The following AKAP6 variants were observed in gnomAD, a reference collection of about 807,000 sequenced individuals.
AKAP6 encodes the protein A-kinase anchoring protein 6.
AKAP6 carries 58 observed loss-of-function variants against 188.5 expected under a neutral mutation model. That is an observed-to-expected ratio of 0.31 (90% confidence interval 0.25 to 0.38). The LOEUF (loss-of-function observed/expected upper bound fraction) is 0.38. AKAP6 is among the 10% of genes least tolerant of loss of function. The pLI is 1.00. For missense variants in AKAP6, 2,710 were observed against 2,740.0 expected, an observed-to-expected ratio of 0.99 and a Z score of 0.24; for synonymous variants, 989 against 998.6, an observed-to-expected ratio of 0.99 and a Z score of 0.18.
In AKAP6 at chr14:32,491,124, C is replaced by T. The variant is rs116518584; in HGVS notation, c.325-44430C>T. Among the ~76,000 whole-genome samples the T allele has an allele frequency of 9.9e-4, 150 of 152,252 alleles. 1 individual carries two copies. Among genetic ancestry groups the T allele is most frequent in the African/African-American group, 3.6e-3 (148 of 41,566 alleles). On this transcript the variant is annotated intron_variant, in intron 2 of 13. Coordinates refer to ENST00000280979, the MANE Select transcript of AKAP6 (RefSeq NM_004274.5). Reference sequence around the variant, plus strand: ...GATCATCTCAAAAGCTGGGCAGAATCTCCCTTCTCCCTAATTGCTTCATAT... The same window carrying T: ...GATCATCTCAAAAGCTGGGCAGAATTTCCCTTCTCCCTAATTGCTTCATAT...
intron 5 of AKAP6, among the ~76,000 whole-genome samples, chr14:32,582,741 A>G (rs1285811384): frequency 2.0e-5 from 3 of 151,714 alleles, no homozygotes; most frequent in Non-Finnish European, 4.4e-5. Flanking sequence ...CATTCATTTC[A>G]TCTTCCATCA....
intron 2 of AKAP6, among the ~76,000 whole-genome samples, chr14:32,475,380 A>G (rs1209998249): frequency 1.3e-5 from 2 of 152,192 alleles, no homozygotes; most frequent in African/African-American, 4.8e-5. Context: ...CATTGGCTAC[A>G]GCTGATTCAG....
chr14:32,462,186 C>T (rs2138825042), intron 2 of AKAP6, among the ~76,000 whole-genome samples: 1 of 152,130 alleles, frequency 6.6e-6, no homozygotes, highest in Middle Eastern at 3.4e-3. Flanking sequence ...GCTTCCCCAC[C>T]CTAGCAAGAC....
At chr14:32,505,819 T>G (rs1289139358) in intron 2 of AKAP6, among the ~76,000 whole-genome samples, 1 of 152,208 alleles carries the variant, frequency 6.6e-6, no homozygotes, top group African/African-American at 2.4e-5. Flanking sequence ...GAATTCATTT[T>G]TTGAAATCTC....
intron 1 of AKAP6, among the ~76,000 whole-genome samples, chr14:32,396,115 A>G (rs537263792): frequency 1.7e-4 from 26 of 152,174 alleles, no homozygotes; most frequent in South Asian, 4.1e-4. Flanking sequence ...AAATTGTTTC[A>G]GGGTGGGAGA....
chr14:32,799,832 G>C (rs940057147), intron 12 of AKAP6, among the ~76,000 whole-genome samples: 2 of 151,916 alleles, frequency 1.3e-5, no homozygotes, highest in Non-Finnish European at 2.9e-5. Context: ...ATCAAGTCAA[G>C]TGATAATGCT....
intron 7 of AKAP6, among the ~76,000 whole-genome samples, chr14:32,664,155 G>GA (rs141340974): frequency 4.6e-5 from 7 of 151,690 alleles, no homozygotes; most frequent in Admixed American, 2.6e-4. Flanking sequence ...CATTGAAGAG[G>GA]AAAAAAAATG....
intron 5 of AKAP6, among the ~76,000 whole-genome samples, chr14:32,578,205 G>A (rs559445063): frequency 6.6e-6 from 1 of 152,290 alleles, no homozygotes; most frequent in East Asian, 1.9e-4. Context: ...AAGTGAGAGA[G>A]AGAAGGGAGA....
intron 2 of AKAP6, among the ~76,000 whole-genome samples, chr14:32,461,883 A>G (rs1400143445): frequency 6.6e-6 from 1 of 152,026 alleles, no homozygotes; most frequent in East Asian, 1.9e-4. Flanking sequence ...AGAGAGGAAC[A>G]TAAATGACTT....
At chr14:32,622,032 A>G (rs1886834279) in intron 7 of AKAP6, among the ~76,000 whole-genome samples, 1 of 152,154 alleles carries the variant, frequency 6.6e-6, no homozygotes, top group Admixed American at 6.6e-5. Flanking sequence ...CCTGTTTCCT[A>G]TAACTTTTGT....
chr14:32,662,309 C>A (rs12896132), intron 7 of AKAP6, among the ~76,000 whole-genome samples: 1 of 151,854 alleles, frequency 6.6e-6, no homozygotes, highest in Admixed American at 6.6e-5. Flanking sequence ...TTAGGACTGA[C>A]TCTCAAGCTG....
intron 9 of AKAP6, among the ~76,000 whole-genome samples, 196 bp downstream of exon 9, chr14:32,696,306 G>A (rs1890400848): frequency 6.6e-6 from 1 of 152,138 alleles, no homozygotes; most frequent in South Asian, 2.1e-4. Context: ...TTGCAAGAAA[G>A]TTCCCTTTAT....
intron 1 of AKAP6, among the ~76,000 whole-genome samples, chr14:32,432,963 C>G (rs1890268682): frequency 6.6e-6 from 1 of 152,166 alleles, no homozygotes; most frequent in South Asian, 2.1e-4. Context: ...GAGTTGCCAG[C>G]TGCTCTAGCC....
chr14:32,533,964 A>G (rs1882552230), intron 2 of AKAP6, among the ~76,000 whole-genome samples: 1 of 152,154 alleles, frequency 6.6e-6, no homozygotes, highest in Non-Finnish European at 1.5e-5. Flanking sequence ...GCTCTGTTTC[A>G]AGTTATAATC....
chr14:32,711,621 A>AAAAGACAAAGGCC (rs1264522743), intron 9 of AKAP6, among the ~76,000 whole-genome samples: 1 of 152,082 alleles, frequency 6.6e-6, no homozygotes, highest in Non-Finnish European at 1.5e-5. Context: ...CTTCCTCAGG[A>AAAAGACAAAGGCC]AAAGACAAAG....
chr14:32,345,134 G>A (rs1291458655), intron 1 of AKAP6, among the ~76,000 whole-genome samples: 1 of 151,984 alleles, frequency 6.6e-6, no homozygotes, highest in Non-Finnish European at 1.5e-5. Context: ...GGGATTTTAG[G>A]GCCAATGAAT....
intron 1 of AKAP6, among the ~76,000 whole-genome samples, chr14:32,429,171 T>C (rs1890135735): frequency 6.6e-6 from 1 of 152,224 alleles, no homozygotes; most frequent in African/African-American, 2.4e-5. Flanking sequence ...TCAAATTTTT[T>C]TATTTTCACC....
At chr14:32,813,550 G>A (rs944236023) in intron 12 of AKAP6, among the ~76,000 whole-genome samples, 2 of 152,060 alleles carry the variant, frequency 1.3e-5, no homozygotes, top group African/African-American at 2.4e-5. Context: ...ATCAAAAGGG[G>A]CCATTATGAA....
chr14:32,369,702 C>T (rs181940056), intron 1 of AKAP6, among the ~76,000 whole-genome samples: 4 of 152,282 alleles, frequency 2.6e-5, no homozygotes, highest in South Asian at 2.1e-4. Context: ...TTGGCTTGCT[C>T]CAAATATAAA....
Sources: allele counts gnomAD v4.1 joint callset (sites outside exome capture counted in the v4.1 genomes callset), GRCh38; gene constraint gnomAD v4.1.1; transcripts MANE v1.5; gene names NCBI Gene and HGNC (gene_info 2026-07-23, HGNC 2026-07-21).